The following HLCS variants were observed in gnomAD, a reference collection of about 807,000 sequenced individuals.
HLCS encodes holocarboxylase synthetase, also known as biotin--protein ligase.
HLCS carries 53 observed loss-of-function variants against 75.0 expected under a neutral mutation model. The observed-to-expected ratio is 0.71, with a 90% CI of 0.57 to 0.89. HLCS has a LOEUF of 0.89. HLCS is among the 40% of genes least tolerant of loss of function. HLCS has a pLI of 0.00. For missense variants in HLCS, 966 were observed against 1,074.0 expected, an observed-to-expected ratio of 0.90 and a Z score of 1.41; for synonymous variants, 431 against 428.6, an observed-to-expected ratio of 1.01 and a Z score of -0.07.
chr21:36,876,324 G>A (rs985507650), intron 6 of HLCS, among the ~76,000 whole-genome samples: 11 of 152,122 alleles, frequency 7.2e-5, no homozygotes, highest in African/African-American at 1.4e-4. Context: ...TGACATTTTC[G>A]TATACATTTC....
At chr21:36,797,819 T>C (rs1462931072) in intron 6 of HLCS, among the ~76,000 whole-genome samples, 1 of 152,232 alleles carries the variant, frequency 6.6e-6, no homozygotes, top group Non-Finnish European at 1.5e-5. Flanking sequence ...ATTCTGTGCA[T>C]TCACATGTTG....
intron 5 of HLCS, among the ~76,000 whole-genome samples, chr21:36,914,545 C>T (rs1382590877): frequency 6.6e-6 from 1 of 152,172 alleles, no homozygotes; most frequent in Non-Finnish European, 1.5e-5. Context: ...TTTTTTGTTA[C>T]CTGCCAACTA....
At chr21:36,860,416 A>C (rs1257862783) in intron 6 of HLCS, among the ~76,000 whole-genome samples, 1 of 152,076 alleles carries the variant, frequency 6.6e-6, no homozygotes, top group African/African-American at 2.4e-5. Flanking sequence ...CTAGCCACTA[A>C]AAGTGGCCAG....
chr21:36,896,332 A>G (rs936673624), intron 6 of HLCS, among the ~76,000 whole-genome samples: 1 of 152,242 alleles, frequency 6.6e-6, no homozygotes, highest in Non-Finnish European at 1.5e-5. Flanking sequence ...CCTGGGTGAC[A>G]GAGCAAGATC....
At chr21:36,986,540 T>C (rs2069233016) in intron 1 of HLCS, among the ~76,000 whole-genome samples, 1 of 152,196 alleles carries the variant, frequency 6.6e-6, no homozygotes, top group Non-Finnish European at 1.5e-5. Flanking sequence ...TGCCTCAGCC[T>C]CCTGAGTAGC....
chr21:36,852,168 C>T (rs189048791), intron 6 of HLCS: 13 of 152,382 alleles, frequency 8.5e-5, no homozygotes, highest in African/African-American at 3.1e-4. Flanking sequence ...ACATGGAATT[C>T]TTTCATGAAG....
intron 6 of HLCS, among the ~76,000 whole-genome samples, chr21:36,845,654 G>C (rs2062772678): frequency 6.6e-6 from 1 of 152,108 alleles, no homozygotes; most frequent in Non-Finnish European, 1.5e-5. Context: ...TGGTGGAGCG[G>C]GACTTAGAGA....
Position 36,936,562 on chromosome 21 carries a change from G to C in HLCS, c.1324C>G (p.Pro442Ala), listed in dbSNP as rs369820978. Residue 442 changes from proline (P) to alanine (A), a missense_variant, in exon 4 of 11, where the codon CCC becomes GCC. By Grantham distance (27) the Pro-to-Ala change is conservative (BLOSUM62 -1). Transcript: ENST00000674895. ...AGCCTGCCGGGGCTGAGCCGGACGGGGCCTTCCTGGTACCTGCAGCCACTG... is the reference window on the plus strand; with the variant it reads ...AGCCTGCCGGGGCTGAGCCGGACGGCGCCTTCCTGGTACCTGCAGCCACTG... ...LSSGCRYQEG[P>A]VRLSPGRLQG... is the part of the protein sequence containing the mutation. 13 of 1,614,150 alleles carry C rather than the reference G, an allele frequency of 8.1e-6. No homozygotes were observed. Among genetic ancestry groups the C allele is most frequent in the Non-Finnish European group, 1.1e-5 (13 of 1,180,026 alleles).
intron 6 of HLCS, among the ~76,000 whole-genome samples, chr21:36,793,227 G>C (rs998064172): frequency 2.0e-5 from 3 of 151,134 alleles, no homozygotes; most frequent in Admixed American, 6.6e-5. Flanking sequence ...GCTTACATGA[G>C]TTCTAAGATC....
rs573558385 is a variant in HLCS at position 36,755,398 on chromosome 21, A to T, written c.2451-981T>A. Among the ~76,000 whole-genome samples, 40 of 136,784 alleles carry T rather than the reference A, an allele frequency of 2.9e-4. 1 individual carries two copies. In the East Asian group the frequency reaches 6.8e-3, roughly 23 times the overall value. The allele number at this position is 136,784 out of a possible 152,430, so 89.7% of individuals were successfully genotyped here. ...CAGTGACAGAGCAAGACCCTCTCTA[A>T]AAAAAAAAAAAGTGAAAATAAAAAA... On this transcript the variant is annotated intron_variant, in intron 10 of 10. Transcript: ENST00000674895.
At chr21:36,785,621 C>T (rs1218153315) in intron 6 of HLCS, among the ~76,000 whole-genome samples, 1 of 152,178 alleles carries the variant, frequency 6.6e-6, no homozygotes. Flanking sequence ...ACAATATCAT[C>T]CACAGATAGA....
intron 6 of HLCS, among the ~76,000 whole-genome samples, chr21:36,850,625 C>T (rs1050875474): frequency 2.0e-5 from 3 of 152,172 alleles, no homozygotes; most frequent in Non-Finnish European, 4.4e-5. Flanking sequence ...CTGTTCCTCC[C>T]AGTTCCCTTC....
At chr21:36,942,096 T>G (rs8129682) in intron 2 of HLCS, among the ~76,000 whole-genome samples, 11 of 151,296 alleles carry the variant, frequency 7.3e-5, no homozygotes, top group African/African-American at 2.7e-4. Flanking sequence ...TTGCTTCAAC[T>G]CAGGAGGCAG....
At chr21:36,869,717 T>C (rs1388006211) in intron 6 of HLCS, among the ~76,000 whole-genome samples, 1 of 152,340 alleles carries the variant, frequency 6.6e-6, no homozygotes, top group Admixed American at 6.5e-5. Flanking sequence ...AATTTTCTTC[T>C]AGATACCATA....
At chr21:36,953,471 G>A (rs2067767665) in intron 2 of HLCS, among the ~76,000 whole-genome samples, 1 of 152,176 alleles carries the variant, frequency 6.6e-6, no homozygotes, top group African/African-American at 2.4e-5. Context: ...GACTTCCAAA[G>A]CAAAACCACT....
intron 6 of HLCS, among the ~76,000 whole-genome samples, chr21:36,845,496 T>C (rs765371707): frequency 1.3e-5 from 2 of 152,110 alleles, no homozygotes; most frequent in Non-Finnish European, 2.9e-5. Flanking sequence ...AACTGCACTA[T>C]CCCTCTTCTA....
At chr21:36,771,902 G>A (rs2060220086) in intron 6 of HLCS, among the ~76,000 whole-genome samples, 1 of 151,952 alleles carries the variant, frequency 6.6e-6, no homozygotes, top group Non-Finnish European at 1.5e-5. Flanking sequence ...GGGAGATTGA[G>A]GCAGGAGAAT....
intron 6 of HLCS, among the ~76,000 whole-genome samples, chr21:36,895,024 T>TGCTGCCCTCTTGGTGACGC (rs3840081): frequency 5.3e-5 from 8 of 151,940 alleles, no homozygotes; most frequent in Admixed American, 2.0e-4. Context: ...TCAGGGCGTG[T>TGCTGCCCTCTTGGTGACGC]GCTGCCCTCT....
intron 6 of HLCS, among the ~76,000 whole-genome samples, chr21:36,832,988 G>A (rs2062265065): frequency 6.6e-6 from 1 of 151,918 alleles, no homozygotes; most frequent in South Asian, 2.1e-4. Flanking sequence ...AAGGGCAAAG[G>A]AAGGGAATAC....
Sources: allele counts gnomAD v4.1 joint callset (sites outside exome capture counted in the v4.1 genomes callset), GRCh38; gene constraint gnomAD v4.1.1; transcripts MANE v1.5; gene names NCBI Gene and HGNC (gene_info 2026-07-23, HGNC 2026-07-21).